HOMER1: variants seen among roughly 807,000 people sequenced by gnomAD.
HOMER1 encodes homer protein homolog 1.
HOMER1 carries 3 observed loss-of-function variants against 48.9 expected under a neutral mutation model. The ratio of observed to expected loss-of-function variants is 0.06; its 90% CI spans 0.03 to 0.16. The LOEUF is 0.16. HOMER1 is among the 10% of genes least tolerant of loss of function. HOMER1 has a pLI of 1.00. For missense variants in HOMER1, 247 were observed against 411.4 expected (o/e 0.60, Z 3.46); for synonymous variants, 134 against 146.4 (o/e 0.92, Z 0.61).
intron 1 of HOMER1, among the ~76,000 whole-genome samples, chr5:79,495,862 A>G (rs1752404852): frequency 6.6e-6 from 1 of 152,244 alleles, no homozygotes; most frequent in Non-Finnish European, 1.5e-5. Flanking sequence ...GATGCCTTAT[A>G]GAAATTCAAA....
intron 5 of HOMER1, among the ~76,000 whole-genome samples, chr5:79,410,682 T>C (rs1434911175): frequency 6.6e-6 from 1 of 150,780 alleles, no homozygotes; most frequent in East Asian, 1.9e-4. Context: ...CTCTCAATAG[T>C]TTGCACATTA....
intron 8 of HOMER1, among the ~76,000 whole-genome samples, chr5:79,387,398 G>A (rs1749146161): frequency 6.6e-6 from 1 of 151,812 alleles, no homozygotes; most frequent in Non-Finnish European, 1.5e-5. Flanking sequence ...CAAAGTACTG[G>A]GATTACAGTA....
chr5:79,393,472 G>A (rs900495935), intron 8 of HOMER1, among the ~76,000 whole-genome samples: 8 of 152,224 alleles, frequency 5.3e-5, no homozygotes, highest in African/African-American at 1.9e-4. Flanking sequence ...TCAAGATACA[G>A]GTAAAGACTA....
chr5:79,494,697 T>C (rs1314986849), intron 1 of HOMER1, among the ~76,000 whole-genome samples: 3 of 152,212 alleles, frequency 2.0e-5, no homozygotes, highest in Non-Finnish European at 4.4e-5. Flanking sequence ...GGTGAAACTC[T>C]ATCCCTACTA....
chr5:79,490,074 C>T (rs906340906), intron 1 of HOMER1, among the ~76,000 whole-genome samples: 11 of 152,192 alleles, frequency 7.2e-5, no homozygotes, highest in African/African-American at 2.4e-4. Context: ...CAAGAAAATG[C>T]TATCTTACCA....
At chr5:79,494,012 C>A (rs910481216) in intron 1 of HOMER1, among the ~76,000 whole-genome samples, 1 of 152,196 alleles carries the variant, frequency 6.6e-6, no homozygotes, top group Non-Finnish European at 1.5e-5. Context: ...CTAATTATTT[C>A]TTGCCTCATT....
chr5:79,401,786 T>A lies in HOMER1; in HGVS notation c.684+113A>T, dbSNP rs1308645361. On this transcript the variant is annotated intron_variant, in intron 6 of 8. Coordinates refer to ENST00000334082, the MANE Select transcript of HOMER1 (RefSeq NM_004272.5). ...GCATATCATACAACCCATATCTATG[T>A]TCTGACATCCTAGAACTAGAAGATA... The A allele has an allele frequency of 3.0e-6, 3 of 990,116 alleles. No homozygotes were observed. The African/African-American group carries it at 4.9e-5, about 16-fold the overall frequency. The allele number at this position is 990,116 out of a possible 1,614,324, so 61.3% of individuals were successfully genotyped here.
intron 4 of HOMER1, among the ~76,000 whole-genome samples, chr5:79,444,752 G>A (rs1750830726): frequency 6.6e-6 from 1 of 152,176 alleles, no homozygotes; most frequent in African/African-American, 2.4e-5. Context: ...TGTGCTGTTT[G>A]TTGGATCTTC....
intron 1 of HOMER1, among the ~76,000 whole-genome samples, chr5:79,481,884 A>G (rs1195684612): frequency 6.6e-6 from 1 of 152,210 alleles, no homozygotes; most frequent in Non-Finnish European, 1.5e-5. Flanking sequence ...ACTGTTTCCA[A>G]TCAACTTCAC....
intron 1 of HOMER1, among the ~76,000 whole-genome samples, chr5:79,467,482 G>A (rs1751504017): frequency 6.7e-6 from 1 of 150,200 alleles, no homozygotes. Flanking sequence ...AATACTCTAA[G>A]GTACACTTTT....
intron 1 of HOMER1, among the ~76,000 whole-genome samples, chr5:79,510,130 T>C (rs1051852154): frequency 1.3e-5 from 2 of 151,952 alleles, no homozygotes; most frequent in Non-Finnish European, 2.9e-5. Flanking sequence ...CCATCTACCC[T>C]TCCTCTCTCT....
chr5:79,495,680 T>C (rs1403100648), intron 1 of HOMER1, among the ~76,000 whole-genome samples: 1 of 152,234 alleles, frequency 6.6e-6, no homozygotes, highest in Non-Finnish European at 1.5e-5. Context: ...TGCTCTGTTT[T>C]CCTTAGGTTT....
chr5:79,411,354 A>T (rs1199846804), intron 5 of HOMER1, among the ~76,000 whole-genome samples: 1 of 152,114 alleles, frequency 6.6e-6, no homozygotes, highest in Non-Finnish European at 1.5e-5. Flanking sequence ...GCGTGGTGGC[A>T]TATGCCTATA....
chr5:79,428,814 T>C (rs1580445010), intron 5 of HOMER1, among the ~76,000 whole-genome samples: 1 of 152,200 alleles, frequency 6.6e-6, no homozygotes, highest in Non-Finnish European at 1.5e-5. Context: ...CTCAAGTTCA[T>C]AGATCACAAA....
chr5:79,397,061 T>C (rs1001319757), intron 7 of HOMER1, among the ~76,000 whole-genome samples, 158 bp from the exon 8 acceptor site: 1 of 152,194 alleles, frequency 6.6e-6, no homozygotes, highest in Admixed American at 6.6e-5. Context: ...TCTTTATATG[T>C]ATGTTGTCTA....
At chr5:79,491,250 G>A (rs1280247332) in intron 1 of HOMER1, among the ~76,000 whole-genome samples, 2 of 151,210 alleles carry the variant, frequency 1.3e-5, no homozygotes, top group Non-Finnish European at 1.5e-5. Context: ...TGAGCAACAT[G>A]ACAAAACCCC....
intron 8 of HOMER1, among the ~76,000 whole-genome samples, chr5:79,382,697 T>C (rs1749012921): frequency 6.6e-6 from 1 of 152,220 alleles, no homozygotes; most frequent in African/African-American, 2.4e-5. Flanking sequence ...GATGACATTT[T>C]CCATCCTGAG....
intron 1 of HOMER1, among the ~76,000 whole-genome samples, chr5:79,478,007 T>C (rs747373465): frequency 6.6e-6 from 1 of 152,160 alleles, no homozygotes; most frequent in Non-Finnish European, 1.5e-5. Context: ...AGTTATTATT[T>C]TCAGTTTTGC....
At chr5:79,446,278 A>G (rs1030287227) in intron 4 of HOMER1, among the ~76,000 whole-genome samples, 4 of 152,168 alleles carry the variant, frequency 2.6e-5, no homozygotes, top group African/African-American at 9.7e-5. Flanking sequence ...AAATTATTCA[A>G]CCCAGCCAAT....
Sources: allele counts gnomAD v4.1 joint callset (sites outside exome capture counted in the v4.1 genomes callset), GRCh38; gene constraint gnomAD v4.1.1; transcripts MANE v1.5; gene names NCBI Gene and HGNC (gene_info 2026-07-23, HGNC 2026-07-21).